Variants in TMEM132B observed in about 807,000 individuals in gnomAD.
The protein encoded by TMEM132B is transmembrane protein 132B.
In TMEM132B, 18 loss-of-function variants were observed where a neutral mutation model predicts 90.8. That is an observed-to-expected ratio of 0.20 (90% CI 0.14 to 0.29). The LOEUF (loss-of-function observed/expected upper bound fraction) is 0.29, where lower values mean the gene tolerates loss of function less well. Among genes scored for constraint, TMEM132B ranks in the 10% least tolerant of loss-of-function variants. TMEM132B has a pLI of 1.00. For synonymous variants in TMEM132B, 504 were observed against 523.3 expected, an observed-to-expected ratio of 0.96 and a Z score of 0.50; for missense variants, 1,096 against 1,326.8, an observed-to-expected ratio of 0.83 and a Z score of 2.70.
At chr12:125,198,455 G>A (rs921796146) in intron 1 of TMEM132B, among the ~76,000 whole-genome samples, 6 of 152,198 alleles carry the variant, frequency 3.9e-5, no homozygotes, top group African/African-American at 1.4e-4. Context: ...GCTGGCCACA[G>A]TTGGCTCCAG....
chr12:125,253,372 A>G (rs765141867), intron 1 of TMEM132B, among the ~76,000 whole-genome samples: 45 of 151,414 alleles, frequency 3.0e-4, no homozygotes, highest in Non-Finnish European at 5.9e-4. Flanking sequence ...AAGCCTATTT[A>G]TTGAGCACAG....
intron 5 of TMEM132B, among the ~76,000 whole-genome samples, chr12:125,616,347 A>T (rs1278571466): frequency 6.6e-6 from 1 of 152,096 alleles, no homozygotes; most frequent in East Asian, 1.9e-4. Flanking sequence ...GAAAAAATGG[A>T]GGCTTGGACT....
chr12:125,510,769 G>C (rs1555254421), intron 3 of TMEM132B, among the ~76,000 whole-genome samples: 2 of 151,920 alleles, frequency 1.3e-5, no homozygotes, highest in Non-Finnish European at 2.9e-5. Context: ...TACCATGCAT[G>C]TTTTTTTGCA....
intron 1 of TMEM132B, among the ~76,000 whole-genome samples, chr12:125,265,080 A>G (rs181438931): frequency 5.9e-5 from 9 of 152,200 alleles, no homozygotes; most frequent in Admixed American, 3.3e-4. Context: ...ACTGCAGGCA[A>G]TTGCAGCCCA....
At chr12:125,332,991 C>T (rs1876835531) in intron 1 of TMEM132B, among the ~76,000 whole-genome samples, 2 of 152,090 alleles carry the variant, frequency 1.3e-5, no homozygotes, top group South Asian at 4.1e-4. Context: ...AATAAGTTAC[C>T]ACTAACTCGG....
At chr12:125,544,237 A>C (rs1440331241) in intron 4 of TMEM132B, among the ~76,000 whole-genome samples, 1 of 152,186 alleles carries the variant, frequency 6.6e-6, no homozygotes, top group Non-Finnish European at 1.5e-5. Context: ...TACCTAATGC[A>C]TGCCAGGCTT....
chr12:125,363,190 G>C (rs1878016475), intron 2 of TMEM132B, among the ~76,000 whole-genome samples: 1 of 152,154 alleles, frequency 6.6e-6, no homozygotes, highest in African/African-American at 2.4e-5. Context: ...TTAAACTTAA[G>C]TGTAAATAAA....
At chr12:125,556,410 A>T (rs1447187654) in intron 4 of TMEM132B, among the ~76,000 whole-genome samples, 1 of 152,246 alleles carries the variant, frequency 6.6e-6, no homozygotes, top group Non-Finnish European at 1.5e-5. Flanking sequence ...GTTCATGGGA[A>T]GAGCTAAGAG....
intron 1 of TMEM132B, among the ~76,000 whole-genome samples, chr12:125,194,465 C>T (rs1872882636): frequency 6.6e-6 from 1 of 152,168 alleles, no homozygotes; most frequent in Non-Finnish European, 1.5e-5. Context: ...GGGTGACTCC[C>T]CCGGGCCTTC....
intron 4 of TMEM132B, among the ~76,000 whole-genome samples, chr12:125,520,597 G>C (rs1253016361): frequency 1.3e-5 from 2 of 152,108 alleles, no homozygotes; most frequent in African/African-American, 2.4e-5. Context: ...CACCTCAACT[G>C]TTAGGGAGTC....
intron 3 of TMEM132B, among the ~76,000 whole-genome samples, chr12:125,515,316 T>G (rs1224893991): frequency 6.6e-6 from 1 of 151,458 alleles, no homozygotes; most frequent in Non-Finnish European, 1.5e-5. Flanking sequence ...TATTCACATG[T>G]TCTCTTACAG....
At chr12:125,200,052 C>T (rs1873019915) in intron 1 of TMEM132B, among the ~76,000 whole-genome samples, 1 of 152,120 alleles carries the variant, frequency 6.6e-6, no homozygotes, top group Admixed American at 6.5e-5. Flanking sequence ...TGGTAAATCC[C>T]TCGGCAGGAA....
intron 6 of TMEM132B, among the ~76,000 whole-genome samples, chr12:125,647,534 G>A (rs1436256905): frequency 6.6e-6 from 1 of 152,190 alleles, no homozygotes; most frequent in African/African-American, 2.4e-5. Flanking sequence ...GAAGGATTTG[G>A]CACATTTTTC....
At chr12:125,515,585 T>TC (rs546270103) in intron 3 of TMEM132B, among the ~76,000 whole-genome samples, 36 of 147,308 alleles carry the variant, frequency 2.4e-4, no homozygotes, top group Non-Finnish European at 3.9e-4. Context: ...ACACACACAT[T>TC]CCCTCTCACA....
chr12:125,440,393 G>T (rs1880835896), intron 3 of TMEM132B, among the ~76,000 whole-genome samples: 2 of 152,260 alleles, frequency 1.3e-5, no homozygotes, highest in African/African-American at 4.8e-5. Context: ...GTTAAATATT[G>T]GCAGATAAGC....
chr12:125,441,962 T>C lies in TMEM132B; in HGVS notation c.1106+26285T>C, dbSNP rs1004102339. 3.3e-5 allele frequency among the ~76,000 whole-genome samples: 5 copies of C among 152,370 alleles called. No individual in the cohort carries two copies. The South Asian group carries it at 1.0e-3, about 32-fold the overall frequency. On this transcript the variant is annotated intron_variant, in intron 3 of 8. Coordinates refer to ENST00000682704, the MANE Select transcript of TMEM132B (RefSeq NM_001366854.1). ...CAAATGCAGTATTTTTGAAAGATTT[T>C]TTTCCTCTAAAATTTATATTCTTTT... is the stretch of plus-strand genomic sequence containing the variant.
chr12:125,574,246 C>A lies in TMEM132B; in HGVS notation c.1294-9605C>A, dbSNP rs74377574. On this transcript the variant is annotated intron_variant, in intron 4 of 8. Transcript: ENST00000682704. ...AAAGTGAAAGTAATAATAGAAGCAA[C>A]CTCATTAATTAATATGAAGCCCTTG... Among the ~76,000 whole-genome samples the A allele has an allele frequency of 6.4e-3, 976 of 151,934 alleles. 11 individuals are homozygous for A. Among genetic ancestry groups the A allele is most frequent in the African/African-American group, 0.02 (821 of 41,406 alleles).
intron 4 of TMEM132B, among the ~76,000 whole-genome samples, chr12:125,538,645 T>G (rs1025348902): frequency 1.3e-5 from 2 of 152,372 alleles, no homozygotes; most frequent in African/African-American, 4.8e-5. Flanking sequence ...AGAACAAGCC[T>G]CTTATTCAGT....
intron 4 of TMEM132B, among the ~76,000 whole-genome samples, chr12:125,569,774 G>A (rs200149070): frequency 6.6e-6 from 1 of 152,038 alleles, no homozygotes; most frequent in Non-Finnish European, 1.5e-5. Context: ...CCATCTCTCT[G>A]CTTGCCACTC....
Sources: allele counts gnomAD v4.1 joint callset (sites outside exome capture counted in the v4.1 genomes callset), GRCh38; gene constraint gnomAD v4.1.1; transcripts MANE v1.5; gene names NCBI Gene and HGNC (gene_info 2026-07-23, HGNC 2026-07-21).